Variants in KAZN observed in about 807,000 individuals in gnomAD.
The protein encoded by KAZN is kazrin.
In KAZN, 40 loss-of-function variants were observed where a neutral mutation model predicts 87.4. That is an observed-to-expected ratio of 0.46 (90% CI 0.36 to 0.60). KAZN has a LOEUF of 0.60. Among genes scored for constraint, KAZN ranks in the 20% least tolerant of loss-of-function variants. The pLI is 0.00. For missense variants in KAZN, 898 were observed against 1,073.9 expected, an observed-to-expected ratio of 0.84 and a Z score of 2.29; for synonymous variants, 466 against 458.3, an observed-to-expected ratio of 1.02 and a Z score of -0.22.
At chr1:13,896,501 A>G (rs1433740125) in intron 1 of KAZN, among the ~76,000 whole-genome samples, 1 of 152,172 alleles carries the variant, frequency 6.6e-6, no homozygotes, top group African/African-American at 2.4e-5. Flanking sequence ...TATGTTGCCC[A>G]GGCTGGTCTT....
intron 2 of KAZN, among the ~76,000 whole-genome samples, chr1:14,360,200 C>G (rs1659387040): frequency 6.6e-6 from 1 of 152,136 alleles, no homozygotes; most frequent in Non-Finnish European, 1.5e-5. Context: ...TATTTTCAAT[C>G]TCTGATATCC....
intron 1 of KAZN, among the ~76,000 whole-genome samples, chr1:14,058,640 A>G (rs10737918): frequency 0.51 from 77,747 of 151,946 alleles, 20,297 homozygotes; most frequent in East Asian, 0.67. Context: ...TCAATAGTTC[A>G]GGAACTACTT....
At chr1:14,553,973 G>T (rs557443089) in intron 2 of KAZN, among the ~76,000 whole-genome samples, 4 of 152,298 alleles carry the variant, frequency 2.6e-5, no homozygotes, top group African/African-American at 9.6e-5. Flanking sequence ...CCAGCTCCTT[G>T]CGTAAGTGCT....
chr1:14,173,733 C>T (rs1646007782), intron 1 of KAZN, among the ~76,000 whole-genome samples: 1 of 129,838 alleles, frequency 7.7e-6, no homozygotes, highest in Non-Finnish European at 1.6e-5. Flanking sequence ...TGAGATTAAA[C>T]CTGTTTGGCT....
intron 2 of KAZN, among the ~76,000 whole-genome samples, chr1:14,499,199 C>G (rs1670108867): frequency 6.6e-6 from 1 of 152,086 alleles, no homozygotes. Flanking sequence ...CTAGCTCAGG[C>G]AAGTCGTGTG....
chr1:14,038,305 T>G (rs1314928505), intron 1 of KAZN, among the ~76,000 whole-genome samples: 1 of 152,030 alleles, frequency 6.6e-6, no homozygotes, highest in African/African-American at 2.4e-5. Flanking sequence ...AGGTCAGACA[T>G]CATTGAGAAG....
At chr1:14,472,987 C>T (rs1026923233) in intron 2 of KAZN, among the ~76,000 whole-genome samples, 1 of 152,048 alleles carries the variant, frequency 6.6e-6, no homozygotes, top group African/African-American at 2.4e-5. Context: ...GAGATAAATA[C>T]ACCTTTCAGT....
intron 1 of KAZN, among the ~76,000 whole-genome samples, chr1:14,698,601 A>T (rs1455705716): frequency 6.6e-6 from 1 of 152,188 alleles, no homozygotes; most frequent in Non-Finnish European, 1.5e-5. Flanking sequence ...CTTTGGAGCT[A>T]TTCTTTTGTA....
At chr1:15,110,814 A>C (rs911811970) in intron 13 of KAZN, among the ~76,000 whole-genome samples, 3 of 152,174 alleles carry the variant, frequency 2.0e-5, no homozygotes, top group Non-Finnish European at 4.4e-5. Context: ...GTATCTTTGG[A>C]CAAGACACAC....
chr1:14,050,927 G>T (rs1233548522), intron 1 of KAZN, among the ~76,000 whole-genome samples: 1 of 152,206 alleles, frequency 6.6e-6, no homozygotes, highest in East Asian at 1.9e-4. Context: ...GCATCATTTG[G>T]TTGAAATGAT....
intron 1 of KAZN, among the ~76,000 whole-genome samples, chr1:14,883,960 T>C (rs1049317737): frequency 1.3e-5 from 2 of 152,154 alleles, no homozygotes; most frequent in Admixed American, 6.5e-5. Context: ...GGTACAGGAA[T>C]GGGGTCCTTA....
chr1:14,702,361 T>TGTGTGTGTGTGC (rs1232272856), intron 1 of KAZN, among the ~76,000 whole-genome samples: 1 of 151,922 alleles, frequency 6.6e-6, no homozygotes, highest in Non-Finnish European at 1.5e-5. Context: ...TGTGTGTGTG[T>TGTGTGTGTGTGC]GTGTGGATTT....
intron 2 of KAZN, among the ~76,000 whole-genome samples, chr1:14,231,169 TTAG>T (rs1234511750): frequency 6.6e-6 from 1 of 152,036 alleles, no homozygotes; most frequent in Admixed American, 6.6e-5. Flanking sequence ...TTGGTTCTTA[TTAG>T]TAGGGAAAAG....
chr1:14,765,812 A>G (rs886279649), intron 1 of KAZN, among the ~76,000 whole-genome samples: 3 of 152,216 alleles, frequency 2.0e-5, no homozygotes, highest in Non-Finnish European at 4.4e-5. Flanking sequence ...GGTGGAACAC[A>G]GGAGTGGCTG....
chr1:14,663,742 A>G (rs1639335996), intron 1 of KAZN, among the ~76,000 whole-genome samples: 1 of 152,248 alleles, frequency 6.6e-6, no homozygotes, highest in Non-Finnish European at 1.5e-5. Context: ...TGCAGTTGTT[A>G]CCAATGACAG....
intron 2 of KAZN, among the ~76,000 whole-genome samples, chr1:14,337,194 A>G (rs1362336971): frequency 6.6e-6 from 1 of 152,226 alleles, no homozygotes; most frequent in African/African-American, 2.4e-5. Context: ...AAGCTAGCAC[A>G]AGTGTTTGAT....
Position 15,117,103 on chromosome 1 carries a change from A to G in KAZN, c.*2468A>G, listed in dbSNP as rs1437884781. Reference sequence around the variant, plus strand: ...AGATTGAGTGAGCTTTGTCTGCTGGAAAAACCTGAAACGTCAACTCTGCTT... The same window carrying G: ...AGATTGAGTGAGCTTTGTCTGCTGGGAAAACCTGAAACGTCAACTCTGCTT... On this transcript the variant is annotated 3_prime_UTR_variant, in exon 15 of 15. Coordinates refer to ENST00000376030, the MANE Select transcript of KAZN (RefSeq NM_201628.3). The G allele has an allele frequency of 1.3e-5, 2 of 152,238 alleles. No individual in the cohort carries two copies. The highest frequency in any genetic ancestry group is 4.8e-5 in the African/African-American group (2 of 41,446). The allele number at this position is 152,238 out of a possible 1,614,324, so 9.4% of individuals were successfully genotyped here. A position where few individuals can be genotyped will look rare whatever the true frequency, so the allele number is the denominator to read the frequency against.
At chr1:14,447,797 C>T (rs1006252546) in intron 2 of KAZN, among the ~76,000 whole-genome samples, 2 of 152,072 alleles carry the variant, frequency 1.3e-5, no homozygotes, top group African/African-American at 4.8e-5. Flanking sequence ...CTCACAACAA[C>T]ATCAAAGGGT....
At chr1:14,306,958 C>G (rs1409662696) in intron 2 of KAZN, among the ~76,000 whole-genome samples, 1 of 152,148 alleles carries the variant, frequency 6.6e-6, no homozygotes, top group East Asian at 1.9e-4. Flanking sequence ...CCAATCTTTC[C>G]ATTTTATTTG....
Sources: allele counts gnomAD v4.1 joint callset (sites outside exome capture counted in the v4.1 genomes callset), GRCh38; gene constraint gnomAD v4.1.1; transcripts MANE v1.5; gene names NCBI Gene and HGNC (gene_info 2026-07-23, HGNC 2026-07-21).